The following MTCH1 variants were observed in gnomAD, a reference collection of about 807,000 sequenced individuals.
MTCH1 encodes mitochondrial carrier homolog 1.
Under a neutral mutation model 49.3 loss-of-function variants are expected in MTCH1, and 23 were observed. The observed-to-expected ratio is 0.47, with a 90% CI of 0.34 to 0.66. MTCH1 has a LOEUF of 0.66. MTCH1 is among the 30% of genes least tolerant of loss of function. The pLI is 0.01. For synonymous variants in MTCH1, 229 were observed against 215.2 expected (o/e 1.06, Z -0.56); for missense variants, 397 against 532.1 (o/e 0.75, Z 2.50).
rs897953201 is a variant in MTCH1, at chr6:36,977,550, T to C, written c.649+84A>G. On this transcript the variant is annotated intron_variant, in intron 5 of 11. Transcript: ENST00000373627. The surrounding 1 kb of genome is among the most constrained non-coding windows in gnomAD (Gnocchi z 5.4). ...TTCCCAACAGGTCTACGGCTGTCTA[T>C]GTACAGTCCACGAGGGGGCGCCCCT... The C allele has an allele frequency of 8.3e-5, 77 of 931,810 alleles. 2 individuals are homozygous for C. The highest frequency in any genetic ancestry group is 4.5e-4 in the Middle Eastern group (2 of 4,490). The allele number at this position is 931,810 out of a possible 1,614,324, so 57.7% of individuals were successfully genotyped here.
In MTCH1 at chr6:36,972,388, G is replaced by A. The variant is rs957891406; in HGVS notation, c.906+264C>T. Among the ~76,000 whole-genome samples the A allele has an allele frequency of 5.3e-5, 8 of 151,962 alleles. No individual in the cohort carries two copies. Among genetic ancestry groups the A allele is most frequent in the African/African-American group, 1.5e-4 (6 of 41,350 alleles). On this transcript the variant is annotated intron_variant, in intron 8 of 11. Transcript: ENST00000373627. This position sits in a 1 kb window ranked among gnomAD's most constrained non-coding sequence, Gnocchi z 4.1. ...TGAGCCCTAGTTGGGTCACTGCCTC[G>A]GAGCAGCCTTAGATAAGCTGGGGTC...
chr6:36,971,826 A>G (rs1763697240), intron 8 of MTCH1, among the ~76,000 whole-genome samples: 1 of 152,126 alleles, frequency 6.6e-6, no homozygotes, highest in Non-Finnish European at 1.5e-5. Flanking sequence ...CTTGAAGGTG[A>G]TCCCCACTGT....
chr6:36,973,424 A>T (rs1033504311), intron 7 of MTCH1, among the ~76,000 whole-genome samples: 1 of 152,074 alleles, frequency 6.6e-6, no homozygotes, highest in African/African-American at 2.4e-5. Context: ...GTGCCCTGGG[A>T]GGCTCGCCAG....
chr6:36,970,283 C>T, intron 10 of MTCH1, 123 bp downstream of exon 10: 2 of 1,468,820 alleles, frequency 1.4e-6, no homozygotes, highest in Non-Finnish European at 1.9e-6. Flanking sequence ...GCCAGGGTGC[C>T]TGGCAGGCCA....
At chr6:36,973,568 G>T (rs889774772) in intron 7 of MTCH1, among the ~76,000 whole-genome samples, 12 of 152,334 alleles carry the variant, frequency 7.9e-5, no homozygotes, top group Admixed American at 2.6e-4. Context: ...AGGAACCTCT[G>T]TGAATGCAAT....
chr6:36,985,742 ACCCCT>A, intron 1 of MTCH1, 106 bp downstream of exon 1: 1 of 109,370 alleles, frequency 9.1e-6, no homozygotes, highest in African/African-American at 3.6e-4. Context: ...CGCCGTCCCC[ACCCCT>A]CTCCCCAAAT....
chr6:36,983,603 C>A (rs1021945570), intron 1 of MTCH1, among the ~76,000 whole-genome samples: 32 of 152,176 alleles, frequency 2.1e-4, no homozygotes, highest in African/African-American at 7.7e-4. Context: ...AACCCAATTT[C>A]AACCTCAAAT....
rs558963396 is a variant in MTCH1 at position 36,970,500 on chromosome 6, A to G, written c.955-27T>C. The G allele has an allele frequency of 3.1e-6, 5 of 1,613,558 alleles. No individual in the cohort carries two copies. The African/African-American group carries it at 6.7e-5, about 22-fold the overall frequency. ...TGAAACCCAGAGAGGCCTGAGTGCC[A>G]GTGACCCACCCCGGCCCAGGGAGCA... On this transcript the variant is annotated intron_variant, in intron 9 of 11. Coordinates refer to ENST00000373627, the MANE Select transcript of MTCH1 (RefSeq NM_001271641.2).
chr6:36,975,757 C>CCT (rs1763858193), intron 6 of MTCH1, 40 bp from the exon 7 acceptor site: 2 of 1,597,378 alleles, frequency 1.3e-6, no homozygotes, highest in Non-Finnish European at 1.7e-6. Flanking sequence ...GTCATGCAGT[C>CCT]ACCTACCAGA....
rs1763918079 is a variant in MTCH1 at position 36,977,319 on chromosome 6, G to A, written c.650-69C>T. 1.3e-6 allele frequency: 2 copies of A among 1,555,232 alleles called. No individual in the cohort carries two copies. The highest frequency in any genetic ancestry group is 1.1e-5 in the South Asian group (1 of 89,900). ...ACACTTCATAATGCTCCAGCCACCGGGTGCCAGGTGCAGAGTGGCCACTGA... is the reference window on the plus strand; with the variant it reads ...ACACTTCATAATGCTCCAGCCACCGAGTGCCAGGTGCAGAGTGGCCACTGA... On this transcript the variant is annotated intron_variant, in intron 5 of 11. Coordinates refer to ENST00000373627, the MANE Select transcript of MTCH1 (RefSeq NM_001271641.2). This position sits in a 1 kb window ranked among gnomAD's most constrained non-coding sequence, Gnocchi z 5.4.
intron 6 of MTCH1, 92 bp from the exon 7 acceptor site, chr6:36,975,809 C>G: frequency 1.7e-6 from 2 of 1,152,350 alleles, no homozygotes; most frequent in Non-Finnish European, 2.6e-6. Context: ...CAGTTCTGCT[C>G]AAATCCAGCC....
chr6:36,969,281 C>T (rs933653081), intron 11 of MTCH1: 7 of 985,422 alleles, frequency 7.1e-6, no homozygotes, highest in Admixed American at 1.2e-4. Context: ...ATAGGGAGGA[C>T]GAGACACACT....
intron 7 of MTCH1, among the ~76,000 whole-genome samples, chr6:36,975,064 C>A (rs1288233326): frequency 1.3e-5 from 2 of 152,190 alleles, no homozygotes; most frequent in Non-Finnish European, 2.9e-5. Flanking sequence ...TGTCTGCGGC[C>A]CTCGGAGACC....
rs1190773793 is a variant in MTCH1 at position 36,972,545 on chromosome 6, C to G, written c.906+107G>C. The G allele has an allele frequency of 2.9e-6, 4 of 1,356,670 alleles. No homozygotes were observed. Among genetic ancestry groups the G allele is most frequent in the Non-Finnish European group, 4.0e-6 (4 of 1,011,818 alleles). 84.0% of individuals were successfully genotyped at this position (1,356,670 alleles called of 1,614,324 possible). A position where few individuals can be genotyped will look rare whatever the true frequency, so the allele number is the denominator to read the frequency against. Reference sequence around the variant, plus strand: ...CTCCAGGGATAATGAGAGGTCCTCTCTCACCCTCCCGGCCTGATGCTGAGA... The same window carrying G: ...CTCCAGGGATAATGAGAGGTCCTCTGTCACCCTCCCGGCCTGATGCTGAGA... On this transcript the variant is annotated intron_variant, in intron 8 of 11. Transcript: ENST00000373627. The surrounding 1 kb of genome is among the most constrained non-coding windows in gnomAD (Gnocchi z 4.1).
chr6:36,978,414 G>T, intron 3 of MTCH1, 91 bp downstream of exon 3: 1 of 1,312,250 alleles, frequency 7.6e-7, no homozygotes, highest in Non-Finnish European at 1.1e-6. Flanking sequence ...CTGGGAAGGA[G>T]GAGGCAAGAC....
chr6:36,983,263 C>T (rs988662552), intron 1 of MTCH1, among the ~76,000 whole-genome samples: 6 of 152,218 alleles, frequency 3.9e-5, no homozygotes, highest in African/African-American at 9.7e-5. Flanking sequence ...GACCTTTTCC[C>T]TTCTGGGTTA....
At chr6:36,975,817 G>C in intron 6 of MTCH1, 100 bp from the exon 7 acceptor site, 12 of 1,070,222 alleles carry the variant, frequency 1.1e-5, no homozygotes, top group Non-Finnish European at 1.7e-5. Context: ...CTCAAATCCA[G>C]CCAGTCCTGG....
chr6:36,980,845 C>T (rs561728274), intron 2 of MTCH1, among the ~76,000 whole-genome samples: 59 of 152,292 alleles, frequency 3.9e-4, no homozygotes, highest in Non-Finnish European at 6.8e-4. Context: ...GGGAGAGGGA[C>T]AGTGAGGGTG....
chr6:36,985,960 G>T lies in MTCH1; in HGVS notation c.214C>A (p.Leu72Met). ...ARRMDGGSGG[L>M]GSGDNAPTTE... ...GTCGGGGCGTTGTCCCCAGACCCCA[G>T]GCCCCCTGACCCGCCATCCATCCTG... is the stretch of plus-strand genomic sequence containing the variant. The change falls in exon 1 of 12, where the codon CTG becomes ATG. Residue 72 changes from leucine (L) to methionine (M), a missense_variant. Coordinates refer to ENST00000373627, the MANE Select transcript of MTCH1 (RefSeq NM_001271641.2). 2 of 1,549,954 alleles carry T rather than the reference G, an allele frequency of 1.3e-6. No individual in the cohort carries two copies. Among genetic ancestry groups the T allele is most frequent in the South Asian group, 2.4e-5 (2 of 84,078 alleles).
Sources: gnomAD v4.1 joint callset for allele counts (sites outside exome capture counted in the v4.1 genomes callset) on GRCh38, gnomAD v4.1.1 for gene constraint, Gnocchi (gnomAD v3.1) non-coding constraint, MANE v1.5 for transcripts, NCBI Gene and HGNC (gene_info 2026-07-23, HGNC 2026-07-21) for gene names.